The following SLCO2A1 variants were observed in gnomAD, a reference collection of about 807,000 sequenced individuals.
SLCO2A1 encodes the protein matrin F/G 1.
Under a neutral mutation model 71.7 loss-of-function variants are expected in SLCO2A1, and 60 were observed. The observed-to-expected ratio is 0.84, with a 90% CI of 0.68 to 1.04. The LOEUF is 1.04. SLCO2A1 is among the 50% of genes least tolerant of loss of function. The pLI, the probability that SLCO2A1 is intolerant of heterozygous loss-of-function variation, is 0.00. For missense variants in SLCO2A1, 745 were observed against 813.4 expected, an observed-to-expected ratio of 0.92 and a Z score of 1.02; for synonymous variants, 308 against 326.7, an observed-to-expected ratio of 0.94 and a Z score of 0.62.
intron 1 of SLCO2A1, among the ~76,000 whole-genome samples, chr3:133,982,149 G>T (rs750606788): frequency 6.6e-6 from 1 of 152,102 alleles, no homozygotes; most frequent in Admixed American, 6.5e-5. Context: ...ATTTGTCAAC[G>T]TTCTGTCATT....
In SLCO2A1 at chr3:133,947,392, T is replaced by A; in HGVS notation, c.1159A>T (p.Met387Leu). The A allele has an allele frequency of 6.2e-7, 1 of 1,614,054 alleles. No homozygotes were observed. The highest frequency in any genetic ancestry group is 8.5e-7 in the Non-Finnish European group (1 of 1,180,014). ...TGTAGAGAGAAAACAAAGCGCTTCATGAGGATTCCTCCAAACAGCATCCCC... is the reference window on the plus strand; with the variant it reads ...TGTAGAGAGAAAACAAAGCGCTTCAAGAGGATTCCTCCAAACAGCATCCCC... ...ALGMLFGGIL[M>L]KRFVFSLQAI... The change falls in exon 9 of 14, where the codon ATG becomes TTG. Residue 387 changes from methionine (M) to leucine (L), a missense_variant. Transcript: ENST00000310926.
chr3:133,934,662 TG>T lies in SLCO2A1; in HGVS notation c.*50del. 1 of 1,250,416 alleles carries T rather than the reference TG, an allele frequency of 8.0e-7. No individual in the cohort carries two copies. The allele number at this position is 1,250,416 out of a possible 1,614,324, so 77.5% of individuals were successfully genotyped here. A position where few individuals can be genotyped will look rare whatever the true frequency, so the allele number is the denominator to read the frequency against. ...TAACATTAGTGAGTATAGGCAGGTG[TG>T]GAAGAGTCAAGGTCCACTCTCTGGA... On this transcript the variant is annotated 3_prime_UTR_variant, in exon 14 of 14. Coordinates refer to ENST00000310926, the MANE Select transcript of SLCO2A1 (RefSeq NM_005630.3).
chr3:133,956,698 AACCTTTT>A (rs1933907209), intron 3 of SLCO2A1, among the ~76,000 whole-genome samples: 1 of 152,242 alleles, frequency 6.6e-6, no homozygotes, highest in Admixed American at 6.5e-5. Flanking sequence ...TATAATATGC[AACCTTTT>A]AGAATTGGGG....
intron 1 of SLCO2A1, among the ~76,000 whole-genome samples, chr3:133,996,762 C>G (rs1488625672): frequency 6.6e-6 from 1 of 152,174 alleles, no homozygotes; most frequent in Non-Finnish European, 1.5e-5. Context: ...TACAGCAAGT[C>G]TTTGGCAGCC....
intron 3 of SLCO2A1, among the ~76,000 whole-genome samples, chr3:133,963,486 C>T (rs1318913458): frequency 6.6e-6 from 1 of 152,216 alleles, no homozygotes; most frequent in Non-Finnish European, 1.5e-5. Context: ...GAGGGGCTTT[C>T]CTTTGACTAG....
At chr3:133,993,066 C>T (rs1934888252) in intron 1 of SLCO2A1, among the ~76,000 whole-genome samples, 1 of 152,228 alleles carries the variant, frequency 6.6e-6, no homozygotes, top group South Asian at 2.1e-4. Flanking sequence ...ATGGGCACCC[C>T]ACCTCCAGAT....
chr3:133,956,726 GC>G (rs1176769589), intron 3 of SLCO2A1, among the ~76,000 whole-genome samples: 1 of 152,170 alleles, frequency 6.6e-6, no homozygotes, highest in African/African-American at 2.4e-5. Flanking sequence ...TGAAAATATA[GC>G]CTTTTTTTTA....
chr3:134,014,176 A>G (rs1935395236), intron 1 of SLCO2A1, among the ~76,000 whole-genome samples: 1 of 152,136 alleles, frequency 6.6e-6, no homozygotes, highest in Non-Finnish European at 1.5e-5. Flanking sequence ...AGTTTGCCAC[A>G]TTTCTGAAGG....
chr3:133,952,012 A>G (rs1217553819), intron 5 of SLCO2A1, among the ~76,000 whole-genome samples: 1 of 152,206 alleles, frequency 6.6e-6, no homozygotes, highest in Non-Finnish European at 1.5e-5. Context: ...CACACGTGTA[A>G]AAGTCTGCCA....
intron 3 of SLCO2A1, among the ~76,000 whole-genome samples, chr3:133,962,861 G>C (rs999742788): frequency 8.4e-4 from 128 of 152,292 alleles, no homozygotes; most frequent in Middle Eastern, 3.4e-3. Flanking sequence ...TCCAGAGACT[G>C]CCTGCCCAAA....
intron 1 of SLCO2A1, among the ~76,000 whole-genome samples, chr3:134,007,809 T>A (rs1054477323): frequency 1.3e-5 from 2 of 152,214 alleles, no homozygotes; most frequent in African/African-American, 4.8e-5. Flanking sequence ...ACACCACACA[T>A]ATTTCCTCCT....
rs547481797 is a variant in SLCO2A1 at position 133,933,480 on chromosome 3, T to C, written c.*1233A>G. 3.3e-5 allele frequency: 5 copies of C among 152,344 alleles called. No homozygotes were observed. Among genetic ancestry groups the C allele is most frequent in the Admixed American group, 3.3e-4 (5 of 15,300 alleles). The allele number at this position is 152,344 out of a possible 1,614,324, so 9.4% of individuals were successfully genotyped here. A position where few individuals can be genotyped will look rare whatever the true frequency, so the allele number is the denominator to read the frequency against. On this transcript the variant is annotated 3_prime_UTR_variant, in exon 14 of 14. Coordinates refer to ENST00000310926, the MANE Select transcript of SLCO2A1 (RefSeq NM_005630.3). ...GCACAAAGTCGGTCTCCAATAAATA[T>C]ATTTGTTGATGAATGACCTCCTTCG...
chr3:134,024,917 G>T (rs1273454680), intron 1 of SLCO2A1, among the ~76,000 whole-genome samples: 2 of 152,104 alleles, frequency 1.3e-5, no homozygotes, highest in African/African-American at 4.8e-5. Flanking sequence ...ACATAACTGT[G>T]TAGAGGTGTT....
chr3:133,945,051 A>C (rs1553753231), intron 10 of SLCO2A1, 44 bp downstream of exon 10: 1 of 1,578,216 alleles, frequency 6.3e-7, no homozygotes, highest in Non-Finnish European at 8.6e-7. Context: ...GAGCTCCGAG[A>C]TCCTGTGGGG....
chr3:134,021,826 T>A (rs894562555), intron 1 of SLCO2A1, among the ~76,000 whole-genome samples: 1 of 105,604 alleles, frequency 9.5e-6, no homozygotes, highest in African/African-American at 2.7e-5. Flanking sequence ...TAATTGAAGG[T>A]ATTCTCTGTA....
chr3:134,026,029 A>C (rs2108082012), intron 1 of SLCO2A1, among the ~76,000 whole-genome samples: 1 of 152,304 alleles, frequency 6.6e-6, no homozygotes, highest in South Asian at 2.1e-4. Context: ...GAGATCAATG[A>C]CCATGGGAAG....
chr3:134,009,479 C>T (rs1935287478), intron 1 of SLCO2A1, among the ~76,000 whole-genome samples: 1 of 152,210 alleles, frequency 6.6e-6, no homozygotes, highest in Admixed American at 6.5e-5. Context: ...TACAAGTCAC[C>T]TCCTCACTGT....
chr3:134,029,209 T>A lies in SLCO2A1; in HGVS notation c.96+498A>T, dbSNP rs866574385. The stretch of plus-strand genomic sequence containing the variant: ...GAAGAAAGCCTGGGGAAGGAGAACA[T>A]CCCTTAGGCCACCCACCCCAGGACG... On this transcript the variant is annotated intron_variant, in intron 1 of 13. Coordinates refer to ENST00000310926, the MANE Select transcript of SLCO2A1 (RefSeq NM_005630.3). Among the ~76,000 whole-genome samples the A allele has an allele frequency of 4.0e-5, 6 of 151,864 alleles. No homozygotes were observed. In the South Asian group the frequency reaches 1.2e-3, roughly 32 times the overall value.
Position 134,018,755 on chromosome 3 carries a change from G to A in SLCO2A1, c.96+10952C>T, listed in dbSNP as rs369280806. ...CCAGGATAAGTCAGCTGCAAAAGCT[G>A]CCTCCCACCCCCACCCTCAGGATTA... On this transcript the variant is annotated intron_variant, in intron 1 of 13. Transcript: ENST00000310926. 5.1e-4 allele frequency among the ~76,000 whole-genome samples: 77 copies of A among 152,090 alleles called. 1 individual carries two copies. In the East Asian group the frequency reaches 0.011, roughly 21 times the overall value.
Sources: allele counts gnomAD v4.1 joint callset (sites outside exome capture counted in the v4.1 genomes callset), GRCh38; gene constraint gnomAD v4.1.1; transcripts MANE v1.5; gene names NCBI Gene and HGNC (gene_info 2026-07-23, HGNC 2026-07-21).